DSE: variants seen among roughly 807,000 people sequenced by gnomAD.
DSE encodes the protein dermatan sulfate epimerase.
Under a neutral mutation model 84.4 loss-of-function variants are expected in DSE, and 36 were observed. The ratio of observed to expected loss-of-function variants is 0.43; its 90% confidence interval spans 0.33 to 0.56. The LOEUF (loss-of-function observed/expected upper bound fraction) is 0.56, where lower values mean the gene tolerates loss of function less well. Among genes scored for constraint, DSE ranks in the 20% least tolerant of loss-of-function variants. The pLI, the probability that DSE is intolerant of heterozygous loss-of-function variation, is 0.06. For missense variants in DSE, 862 were observed against 1,169.6 expected, an observed-to-expected ratio of 0.74 and a Z score of 3.84; for synonymous variants, 410 against 430.1, an observed-to-expected ratio of 0.95 and a Z score of 0.58.
chr6:116,326,328 T>C (rs1776618889), intron 2 of DSE, among the ~76,000 whole-genome samples: 1 of 151,878 alleles, frequency 6.6e-6, no homozygotes, highest in African/African-American at 2.4e-5. Flanking sequence ...CAAGGGTTCT[T>C]TTCAGCTTTT....
intron 2 of DSE, among the ~76,000 whole-genome samples, chr6:116,405,310 A>G (rs2115008975): frequency 6.6e-6 from 1 of 152,248 alleles, no homozygotes; most frequent in East Asian, 1.9e-4. Flanking sequence ...GGCCTCAAAC[A>G]TGTGGAGCCA....
At chr6:116,409,651 C>T (rs1051897003) in intron 2 of DSE, among the ~76,000 whole-genome samples, 4 of 152,092 alleles carry the variant, frequency 2.6e-5, no homozygotes, top group Admixed American at 1.3e-4. Flanking sequence ...AATTTCAAGA[C>T]GTGTTATGTA....
intron 2 of DSE, among the ~76,000 whole-genome samples, chr6:116,356,860 G>T (rs574664418): frequency 6.6e-6 from 1 of 152,240 alleles, no homozygotes; most frequent in South Asian, 2.1e-4. Flanking sequence ...ACCACTCATA[G>T]CCCCTGCTGT....
chr6:116,277,034 CAT>C (rs1303472563), intron 2 of DSE: 10 of 152,244 alleles, frequency 6.6e-5, no homozygotes, highest in Admixed American at 3.9e-4. Flanking sequence ...TATGACTATT[CAT>C]ATGTCTCTAT....
chr6:116,297,290 G>T (rs1485753500), intron 2 of DSE, among the ~76,000 whole-genome samples: 6 of 152,022 alleles, frequency 3.9e-5, no homozygotes, highest in African/African-American at 1.2e-4. Context: ...CTCCTCTTGG[G>T]TGGAGAACAA....
chr6:116,299,387 A>G (rs1232572830), intron 2 of DSE, among the ~76,000 whole-genome samples: 1 of 151,692 alleles, frequency 6.6e-6, no homozygotes, highest in African/African-American at 2.4e-5. Context: ...AGCCAATTAG[A>G]AGTTATCTAT....
intron 3 of DSE, among the ~76,000 whole-genome samples, chr6:116,427,748 C>T (rs148836210): frequency 8.5e-4 from 129 of 152,338 alleles, no homozygotes; most frequent in Non-Finnish European, 8.1e-4. Context: ...TCTGGCCATC[C>T]ATAAAGTTCA....
intron 1 of DSE, among the ~76,000 whole-genome samples, chr6:116,374,363 G>A (rs1381523671): frequency 3.3e-5 from 5 of 152,104 alleles, no homozygotes; most frequent in Non-Finnish European, 2.9e-5. Flanking sequence ...TTTGAGGAGA[G>A]CCAGAATCTG....
intron 2 of DSE, among the ~76,000 whole-genome samples, chr6:116,292,524 C>T (rs939407755): frequency 6.6e-6 from 1 of 152,044 alleles, no homozygotes; most frequent in Non-Finnish European, 1.5e-5. Context: ...CCAGTTCTTT[C>T]ATAATTGTCA....
At chr6:116,338,568 A>C (rs921413515) in intron 2 of DSE, among the ~76,000 whole-genome samples, 1 of 152,026 alleles carries the variant, frequency 6.6e-6, no homozygotes, top group Non-Finnish European at 1.5e-5. Flanking sequence ...TGTGGATCTC[A>C]TGAATTTAGA....
intron 2 of DSE, among the ~76,000 whole-genome samples, chr6:116,291,781 A>T (rs1009618911): frequency 1.3e-5 from 2 of 152,146 alleles, no homozygotes; most frequent in African/African-American, 4.8e-5. Context: ...GTAGATGAGG[A>T]TATCTTTAGG....
intron 2 of DSE, among the ~76,000 whole-genome samples, chr6:116,275,282 A>C (rs916445918): frequency 2.0e-5 from 3 of 152,342 alleles, no homozygotes; most frequent in Admixed American, 2.0e-4. Context: ...ACCCAAAATT[A>C]AGTAGTGCTC....
intron 2 of DSE, among the ~76,000 whole-genome samples, chr6:116,317,245 C>T (rs892931900): frequency 1.3e-5 from 2 of 152,148 alleles, no homozygotes; most frequent in African/African-American, 2.4e-5. Context: ...AGTCATTGGC[C>T]GGGAGCAGCC....
chr6:116,411,282 G>A (rs2115024970), intron 2 of DSE, among the ~76,000 whole-genome samples: 1 of 152,242 alleles, frequency 6.6e-6, no homozygotes, highest in East Asian at 1.9e-4. Flanking sequence ...AAAGTCCAAA[G>A]GAGATCGTAT....
At chr6:116,321,703 G>T (rs1311278641) in intron 2 of DSE, among the ~76,000 whole-genome samples, 1 of 152,134 alleles carries the variant, frequency 6.6e-6, no homozygotes, top group Non-Finnish European at 1.5e-5. Context: ...GAACCCGGGA[G>T]GTGGAAGTTG....
rs575278994 is a variant in DSE, at chr6:116,382,892, A to G, written c.-54+11771A>G. Among the ~76,000 whole-genome samples, 20 of 152,354 alleles carry G rather than the reference A, an allele frequency of 1.3e-4. 1 individual carries two copies. In the South Asian group the frequency reaches 4.1e-3, roughly 32 times the overall value. Reference sequence around the variant, plus strand: ...TAGAAATATCCCCAGAGTGATAGAAATTACCAGTGAAGGTTTAAAAGAGTA... The same window carrying G: ...TAGAAATATCCCCAGAGTGATAGAAGTTACCAGTGAAGGTTTAAAAGAGTA... On this transcript the variant is annotated intron_variant, in intron 1 of 5. Coordinates refer to ENST00000644252, the MANE Select transcript of DSE (RefSeq NM_013352.4).
chr6:116,258,751 CG>C (rs758553411), exon 2 of DSE: 3 of 1,609,556 alleles, frequency 1.9e-6, no homozygotes, highest in Non-Finnish European at 2.6e-6. Context: ...GGAGTCCTCC[CG>C]GGGACCACTG....
At position 116,392,210 on chromosome 6, in the gene DSE, A is replaced by G. The variant is rs1205856683; in HGVS notation, c.-53-6988A>G. On this transcript the variant is annotated intron_variant, in intron 1 of 5. Coordinates refer to ENST00000644252, the MANE Select transcript of DSE (RefSeq NM_013352.4). ...AAGGCAATGCAGCCCTGTCTAGTAT[A>G]TCCTAATGCTCTCAGGCAATCAGGG... 3.9e-5 allele frequency among the ~76,000 whole-genome samples: 6 copies of G among 152,216 alleles called. No homozygotes were observed. In the East Asian group the frequency reaches 1.2e-3, roughly 29 times the overall value.
intron 2 of DSE, among the ~76,000 whole-genome samples, chr6:116,340,987 C>T (rs548954715): frequency 6.6e-6 from 1 of 152,260 alleles, no homozygotes; most frequent in Non-Finnish European, 1.5e-5. Flanking sequence ...GATTTATAAT[C>T]CTTTGCATAT....
Sources: gnomAD v4.1 joint callset for allele counts (sites outside exome capture counted in the v4.1 genomes callset) on GRCh38, gnomAD v4.1.1 for gene constraint, MANE v1.5 for transcripts, NCBI Gene and HGNC (gene_info 2026-07-23, HGNC 2026-07-21) for gene names.